Variants in ANKLE2 observed in about 807,000 individuals in gnomAD.
ANKLE2 encodes ankyrin repeat and LEM domain containing 2.
In ANKLE2, 55 loss-of-function variants were observed where a neutral mutation model predicts 84.2. That is an observed-to-expected ratio of 0.65 (90% CI 0.53 to 0.82). The LOEUF (loss-of-function observed/expected upper bound fraction) is 0.82. Ranked by LOEUF, ANKLE2 falls within the 40% of genes least tolerant of loss-of-function variation. ANKLE2 has a pLI of 0.00. For synonymous variants in ANKLE2, 551 were observed against 486.1 expected (o/e 1.13, Z -1.76); for missense variants, 1,238 against 1,201.9 (o/e 1.03, Z -0.44).
At chr12:132,752,213 C>T (rs759717331) in intron 2 of ANKLE2, among the ~76,000 whole-genome samples, 1 of 152,022 alleles carries the variant, frequency 6.6e-6, no homozygotes, top group African/African-American at 2.4e-5. Context: ...GGTGGCACAC[C>T]CCTGTAGTAC....
Position 132,759,043 on chromosome 12 carries a change from CCCCGGG to C in ANKLE2, c.181+2569_181+2574del, listed in dbSNP as rs1566041693. ...CAGAGTGGATCGCTGCGGAGTGGCA[CCCCGGG>C]GCACCCACGTGGCAGAGAGGATCGC... On this transcript the variant is annotated intron_variant, in intron 1 of 12. Coordinates refer to ENST00000357997, the MANE Select transcript of ANKLE2 (RefSeq NM_015114.3). The C allele has an allele frequency of 9.0e-5, 8 of 88,614 alleles. No individual in the cohort carries two copies. In the East Asian group the frequency reaches 1.0e-3, roughly 12 times the overall value. 5.5% of individuals were successfully genotyped at this position (88,614 alleles called of 1,614,324 possible).
rs910809053 is a variant in ANKLE2, at chr12:132,743,361, A to G, written c.1231-85T>C. 2.1e-6 allele frequency: 3 copies of G among 1,434,704 alleles called. No individual in the cohort carries two copies. Among genetic ancestry groups the G allele is most frequent in the Non-Finnish European group, 2.8e-6 (3 of 1,075,578 alleles). 88.9% of individuals were successfully genotyped at this position (1,434,704 alleles called of 1,614,324 possible). A position where few individuals can be genotyped will look rare whatever the true frequency, so the allele number is the denominator to read the frequency against. On this transcript the variant is annotated intron_variant, in intron 5 of 12. Transcript: ENST00000357997. This position sits in a 1 kb window ranked among gnomAD's most constrained non-coding sequence, Gnocchi z 4.1. ...GGTGAAAATACATATTCATTCATTC[A>G]TTCATTCATTTATTTATTTTGAGAC...
At chr12:132,755,611 A>G (rs1370250195) in intron 1 of ANKLE2, 1 of 148,840 alleles carries the variant, frequency 6.7e-6, no homozygotes, top group South Asian at 2.2e-4. Flanking sequence ...CACAGGCTGG[A>G]GTGCAGTGGT....
intron 3 of ANKLE2, chr12:132,749,036 G>A (rs924265271): frequency 6.6e-6 from 1 of 152,108 alleles, no homozygotes; most frequent in Non-Finnish European, 1.5e-5. Flanking sequence ...TCGGTCAGTA[G>A]GTGGAGGAGG....
At chr12:132,728,682 G>A (rs2043760798) in intron 11 of ANKLE2, among the ~76,000 whole-genome samples, 1 of 152,226 alleles carries the variant, frequency 6.6e-6, no homozygotes, top group South Asian at 2.1e-4. Context: ...CAGGGAGGCG[G>A]ATGCAGACTC....
At chr12:132,727,648 G>T (rs1263364809) in intron 12 of ANKLE2, among the ~76,000 whole-genome samples, 22 of 148,444 alleles carry the variant, frequency 1.5e-4, no homozygotes, top group African/African-American at 5.4e-4. Flanking sequence ...GCGCCCGGGC[G>T]GAGGAGACAC....
chr12:132,740,425 C>A (rs556205117), intron 7 of ANKLE2, among the ~76,000 whole-genome samples: 8 of 152,236 alleles, frequency 5.3e-5, no homozygotes, highest in African/African-American at 1.7e-4. Flanking sequence ...TGGGAAAGAA[C>A]CCGGACAGTG....
In ANKLE2 at chr12:132,730,147, G is replaced by C. The variant is rs373315891; in HGVS notation, c.2015C>G (p.Thr672Arg). 3.1e-6 allele frequency: 5 copies of C among 1,612,082 alleles called. No homozygotes were observed. In the Admixed American group the frequency reaches 5.0e-5, roughly 16 times the overall value. The change falls in exon 11 of 13, where the codon ACG becomes AGG. Residue 672 changes from threonine to arginine, a missense_variant. By Grantham distance (71) the Thr-to-Arg change is moderately conservative (BLOSUM62 -1). Around this residue, in one of 3 missense-constraint regions of ANKLE2, gnomAD observed 802 missense variants for 774.5 expected, o/e 1.04. Transcript: ENST00000357997. ...SPPTVGAFGHTRCSAFPLEQE... is the reference protein window; with the variant it reads ...SPPTVGAFGHRRCSAFPLEQE... ...CTCCAAGGGGAAGGCGCTGCACCTCGTATGTCCAAAAGCACCGACTGTGGG... is the reference window on the plus strand; with the variant it reads ...CTCCAAGGGGAAGGCGCTGCACCTCCTATGTCCAAAAGCACCGACTGTGGG...
rs1259049291 is a variant in ANKLE2 at position 132,761,781 on chromosome 12, C to T, written c.18G>A (p.Leu6=). The stretch of plus-strand genomic sequence containing the variant: ...CCAGCGCCGCCCACTCGGCCGCCGC[C>T]AGCCGCGGCCACAGCATCGCCGCCG... MLWPR[L]AAAEWAALAW... The change falls in exon 1 of 13, where the codon CTG becomes CTA. Residue 6 remains leucine, a synonymous_variant. Transcript: ENST00000357997. The T allele has an allele frequency of 2.0e-5, 23 of 1,148,956 alleles. No individual in the cohort carries two copies. The highest frequency in any genetic ancestry group is 2.3e-5 in the Non-Finnish European group (22 of 936,866). The allele number at this position is 1,148,956 out of a possible 1,614,324, so 71.2% of individuals were successfully genotyped here.
At chr12:132,739,838 G>A (rs1319485585) in intron 7 of ANKLE2, among the ~76,000 whole-genome samples, 1 of 152,222 alleles carries the variant, frequency 6.6e-6, no homozygotes, top group East Asian at 1.9e-4. Context: ...CCTGGGCTTC[G>A]CATGAGCCTC....
chr12:132,734,849 G>C, intron 9 of ANKLE2: 1 of 437,026 alleles, frequency 2.3e-6, no homozygotes, highest in Non-Finnish European at 4.1e-6. Context: ...CCTCACGCCA[G>C]CAACCCAGGT....
intron 1 of ANKLE2, chr12:132,761,353 C>A (rs1161726427): frequency 6.5e-6 from 2 of 306,522 alleles, no homozygotes; most frequent in Non-Finnish European, 1.2e-5. Flanking sequence ...CCCCCGCCGC[C>A]TTCCCCGGAG....
At chr12:132,742,728 G>A (rs375436400) in intron 6 of ANKLE2, among the ~76,000 whole-genome samples, 19 of 498 alleles carry the variant, frequency 0.038, no homozygotes, top group African/African-American at 0.05. Flanking sequence ...CACCACCACT[G>A]CCAACACCAC....
At chr12:132,733,501 G>A (rs867817488) in intron 10 of ANKLE2, among the ~76,000 whole-genome samples, 60 of 149,016 alleles carry the variant, frequency 4.0e-4, no homozygotes, top group African/African-American at 1.3e-3. Flanking sequence ...TGTCTGATAT[G>A]CACCGTGTGA....
At position 132,727,309 on chromosome 12, in the gene ANKLE2, C is replaced by A; in HGVS notation, c.2750G>T (p.Arg917Leu). ...CTGGCTCCCGTGCACGGGGCTGTAG[C>A]GCCCAGGACTGCCCAGGCCTGGCTT... Reference protein sequence around the residue: ...PAKPGLGSPGRYSPVHGSQLR... With the variant: ...PAKPGLGSPGLYSPVHGSQLR... The change falls in exon 13 of 13, where the codon CGC becomes CTC. Residue 917 changes from arginine to leucine, a missense_variant. Transcript: ENST00000357997. The A allele has an allele frequency of 6.4e-7, 1 of 1,564,578 alleles. No individual in the cohort carries two copies. The highest frequency in any genetic ancestry group is 8.7e-7 in the Non-Finnish European group (1 of 1,155,122).
chr12:132,739,670 C>T (rs1012839691), intron 7 of ANKLE2, among the ~76,000 whole-genome samples: 1 of 152,226 alleles, frequency 6.6e-6, no homozygotes, highest in Admixed American at 6.5e-5. Flanking sequence ...TCTCTCATAA[C>T]ACTTTAGAGT....
intron 7 of ANKLE2, chr12:132,738,411 C>T (rs939731418): frequency 1.3e-5 from 2 of 152,256 alleles, no homozygotes; most frequent in African/African-American, 4.8e-5. Flanking sequence ...CCACCTCGTC[C>T]TGCTTTCAAA....
At chr12:132,738,444 T>C (rs2044057335) in intron 7 of ANKLE2, 1 of 151,982 alleles carries the variant, frequency 6.6e-6, no homozygotes, top group Non-Finnish European at 1.5e-5. Flanking sequence ...AGACCCAGAG[T>C]CAAGAGGCTT....
intron 1 of ANKLE2, chr12:132,760,473 C>G (rs2044602787): frequency 6.6e-6 from 1 of 152,240 alleles, no homozygotes; most frequent in Admixed American, 6.5e-5. Context: ...CAAGACTGCC[C>G]CCCACTTCCA....
Sources: gnomAD v4.1 joint callset for allele counts (sites outside exome capture counted in the v4.1 genomes callset) on GRCh38, gnomAD v4.1.1 for gene constraint, gnomAD v4.1.1 regional missense constraint, Gnocchi (gnomAD v3.1) non-coding constraint, MANE v1.5 for transcripts, NCBI Gene and HGNC (gene_info 2026-07-23, HGNC 2026-07-21) for gene names.